The following MED12L variants were observed in gnomAD, a reference collection of about 807,000 sequenced individuals.
The protein encoded by MED12L is mediator complex subunit 12L, also known as mediator of RNA polymerase II transcription subunit 12-like protein.
In MED12L, 60 loss-of-function variants were observed where a neutral mutation model predicts 281.3. The observed-to-expected ratio is 0.21, with a 90% CI of 0.17 to 0.26. The LOEUF (loss-of-function observed/expected upper bound fraction) is 0.26, where lower values mean the gene tolerates loss of function less well. Ranked by LOEUF, MED12L falls within the 10% of genes least tolerant of loss-of-function variation. MED12L has a pLI of 1.00. For synonymous variants in MED12L, 974 were observed against 987.2 expected, an observed-to-expected ratio of 0.99 and a Z score of 0.25; for missense variants, 2,146 against 2,680.9, an observed-to-expected ratio of 0.80 and a Z score of 4.41.
intron 44 of MED12L, among the ~76,000 whole-genome samples, chr3:151,431,275 G>A (rs1055383110): frequency 4.6e-5 from 7 of 152,202 alleles, no homozygotes; most frequent in African/African-American, 1.4e-4. Flanking sequence ...AGACTAGTTT[G>A]TGGTGAAGGC....
intron 16 of MED12L, among the ~76,000 whole-genome samples, chr3:151,319,623 ACTAGATTTCAT>A (rs1327356706): frequency 6.6e-6 from 1 of 152,060 alleles, no homozygotes; most frequent in African/African-American, 2.4e-5. Context: ...GAATTGTTCA[ACTAGATTTCAT>A]CTAGATTTAT....
chr3:151,213,337 CTT>C lies in MED12L; in HGVS notation c.2250+19674_2250+19675del, dbSNP rs1727503178. 1.9e-6 allele frequency: 3 copies of C among 1,612,372 alleles called. No individual in the cohort carries two copies. The African/African-American group carries it at 4.0e-5, about 22-fold the overall frequency. On this transcript the variant is annotated intron_variant, in intron 16 of 44. Coordinates refer to ENST00000687756, the MANE Select transcript of MED12L (RefSeq NM_001393769.1). ...TGTGCTTTCAAGTGTTGTATTTCCT[CTT>C]TTGATTCTGGAAATGTCTAGGTCAT...
chr3:151,160,091 G>C lies in MED12L; in HGVS notation c.1097G>C (p.Cys366Ser). ...QHGPLVYGLS[C>S]MLQTVTLCCP... ...GGTCCCCTGGTTTATGGACTTAGTT[G>C]TATGTTGCAGGTAAGTCCTTGGCCC... is the stretch of plus-strand genomic sequence containing the variant. Residue 366 changes from cysteine to serine, a missense_variant, in exon 8 of 45, where the codon TGT becomes TCT. By Grantham distance (112) the Cys-to-Ser change is moderately radical. Coordinates refer to ENST00000687756, the MANE Select transcript of MED12L (RefSeq NM_001393769.1). The C allele has an allele frequency of 1.3e-6, 2 of 1,596,922 alleles. No homozygotes were observed. The highest frequency in any genetic ancestry group is 1.7e-6 in the Non-Finnish European group (2 of 1,169,554).
chr3:151,205,160 C>G (rs1472359582), intron 16 of MED12L, among the ~76,000 whole-genome samples: 1 of 152,162 alleles, frequency 6.6e-6, no homozygotes, highest in Non-Finnish European at 1.5e-5. Flanking sequence ...CTATCTGTTT[C>G]ACTGAGGACA....
At chr3:151,347,291 T>A (rs1379828576) in intron 16 of MED12L, among the ~76,000 whole-genome samples, 1 of 152,228 alleles carries the variant, frequency 6.6e-6, no homozygotes, top group Non-Finnish European at 1.5e-5. Context: ...ATTTGTTCAT[T>A]AGTCTGCTTA....
At chr3:151,151,971 G>A (rs1408663749) in intron 5 of MED12L, among the ~76,000 whole-genome samples, 1 of 151,522 alleles carries the variant, frequency 6.6e-6, no homozygotes, top group African/African-American at 2.4e-5. Context: ...GGGAGAGAAA[G>A]CAACTGGAGC....
intron 36 of MED12L, 40 bp from the exon 37 acceptor site, chr3:151,387,770 A>G: frequency 6.4e-7 from 1 of 1,554,938 alleles, no homozygotes; most frequent in Non-Finnish European, 8.7e-7. Flanking sequence ...AATAAGGAAA[A>G]GATCTGAGTG....
At chr3:151,409,415 C>G in intron 40 of MED12L, 83 bp downstream of exon 40, 1 of 1,182,486 alleles carries the variant, frequency 8.5e-7, no homozygotes, top group East Asian at 2.4e-5. Flanking sequence ...TAGAATATAT[C>G]AACTCCCTAT....
chr3:151,415,799 A>T (rs1313262023), intron 42 of MED12L, among the ~76,000 whole-genome samples: 5 of 152,168 alleles, frequency 3.3e-5, no homozygotes, highest in Admixed American at 2.0e-4. Flanking sequence ...TACTGACATG[A>T]TTTCTGAATT....
intron 5 of MED12L, among the ~76,000 whole-genome samples, chr3:151,130,705 C>T (rs1715260256): frequency 6.6e-6 from 1 of 152,198 alleles, no homozygotes; most frequent in Non-Finnish European, 1.5e-5. Flanking sequence ...GGGCCTGCTC[C>T]CTTGCTCCAC....
chr3:151,204,052 G>A (rs1382331768), intron 16 of MED12L, among the ~76,000 whole-genome samples: 3 of 152,192 alleles, frequency 2.0e-5, no homozygotes, highest in African/African-American at 7.2e-5. Context: ...ATGTTTGAAA[G>A]AAGCCTAGCA....
intron 11 of MED12L, among the ~76,000 whole-genome samples, chr3:151,172,073 T>C (rs939874611): frequency 6.6e-6 from 1 of 152,228 alleles, no homozygotes; most frequent in African/African-American, 2.4e-5. Flanking sequence ...TCATGGAATC[T>C]GTATATATCA....
chr3:151,344,704 A>T (rs1752316288), intron 16 of MED12L, among the ~76,000 whole-genome samples: 1 of 152,250 alleles, frequency 6.6e-6, no homozygotes, highest in Non-Finnish European at 1.5e-5. Context: ...AAGGACAATT[A>T]CATCCACTTC....
At chr3:151,393,388 T>C (rs1276255847) in intron 38 of MED12L, among the ~76,000 whole-genome samples, 1 of 152,156 alleles carries the variant, frequency 6.6e-6, no homozygotes, top group Non-Finnish European at 1.5e-5. Flanking sequence ...TCAATTACGG[T>C]GTTGAATCTG....
At chr3:151,253,339 AC>A (rs1737197553) in intron 16 of MED12L, among the ~76,000 whole-genome samples, 1 of 152,150 alleles carries the variant, frequency 6.6e-6, no homozygotes, top group Non-Finnish European at 1.5e-5. Context: ...TTCCGCTCTT[AC>A]CCCTCACTCC....
At chr3:151,373,245 T>A (rs868362059) in intron 27 of MED12L, among the ~76,000 whole-genome samples, 54 of 152,166 alleles carry the variant, frequency 3.5e-4, no homozygotes, top group African/African-American at 1.2e-3. Flanking sequence ...AGATTATGCA[T>A]CCCTGGCCAA....
intron 18 of MED12L, among the ~76,000 whole-genome samples, chr3:151,355,461 C>T (rs1577418946): frequency 6.6e-6 from 1 of 151,976 alleles, no homozygotes; most frequent in Non-Finnish European, 1.5e-5. Flanking sequence ...TGATAATAAT[C>T]GGTGACATAT....
At chr3:151,131,932 C>T (rs1226072043) in intron 5 of MED12L, among the ~76,000 whole-genome samples, 1 of 152,148 alleles carries the variant, frequency 6.6e-6, no homozygotes, top group African/African-American at 2.4e-5. Context: ...GGTTTAGTCA[C>T]TAGCTGTATT....
intron 11 of MED12L, among the ~76,000 whole-genome samples, chr3:151,172,347 G>A (rs1721541074): frequency 6.6e-6 from 1 of 152,140 alleles, no homozygotes; most frequent in Admixed American, 6.5e-5. Context: ...CATGTAAATG[G>A]GTACTTAATA....
Sources: gnomAD v4.1 joint callset for allele counts (sites outside exome capture counted in the v4.1 genomes callset) on GRCh38, gnomAD v4.1.1 for gene constraint, MANE v1.5 for transcripts, NCBI Gene and HGNC (gene_info 2026-07-23, HGNC 2026-07-21) for gene names.